The following ANKFN1 variants were observed in gnomAD, a reference collection of about 807,000 sequenced individuals.
ANKFN1 encodes ankyrin repeat and fibronectin type-III domain-containing protein 1.
ANKFN1 carries 74 observed loss-of-function variants against 108.7 expected under a neutral mutation model. The observed-to-expected ratio is 0.68, with a 90% confidence interval of 0.56 to 0.83. The LOEUF (loss-of-function observed/expected upper bound fraction) is 0.83. ANKFN1 is among the 40% of genes least tolerant of loss of function. The pLI, the probability that ANKFN1 is intolerant of heterozygous loss-of-function variation, is 0.00. For synonymous variants in ANKFN1, 547 were observed against 516.2 expected (o/e 1.06, Z -0.81); for missense variants, 1,505 against 1,382.3 (o/e 1.09, Z -1.41).
intron 1 of ANKFN1, among the ~76,000 whole-genome samples, chr17:56,179,297 A>T (rs1911458010): frequency 6.6e-6 from 1 of 152,194 alleles, no homozygotes; most frequent in Non-Finnish European, 1.5e-5. Context: ...GCTTTTAGTC[A>T]CACAAGGGCA....
At chr17:56,201,430 T>C (rs535080879) in intron 1 of ANKFN1, among the ~76,000 whole-genome samples, 127 of 152,348 alleles carry the variant, frequency 8.3e-4, no homozygotes, top group South Asian at 2.1e-3. Flanking sequence ...TCACTTGTTA[T>C]CATTGTATAT....
chr17:56,170,450 T>C (rs1567815810), intron 1 of ANKFN1, among the ~76,000 whole-genome samples: 1 of 152,034 alleles, frequency 6.6e-6, no homozygotes, highest in East Asian at 1.9e-4. Flanking sequence ...TTAATGCCAA[T>C]CTTCATTAAA....
At chr17:56,307,228 G>T (rs1342283564) in intron 3 of ANKFN1, among the ~76,000 whole-genome samples, 1 of 152,128 alleles carries the variant, frequency 6.6e-6, no homozygotes, top group Non-Finnish European at 1.5e-5. Context: ...TTGACAAATG[G>T]GATCTAATTA....
At position 56,461,342 on chromosome 17, in the gene ANKFN1, G is replaced by A. The variant is rs141049524; in HGVS notation, c.1557+3363G>A. On this transcript the variant is annotated intron_variant, in intron 14 of 20. Transcript: ENST00000682825. The stretch of plus-strand genomic sequence containing the variant: ...TAGATCTAGTCATGCCAATGACTTT[G>A]GTTTCACTAAGCAACATTTTATACA... Among the ~76,000 whole-genome samples, 787 of 152,164 alleles carry A rather than the reference G, an allele frequency of 5.2e-3. 8 individuals are homozygous for A. Among genetic ancestry groups the A allele is most frequent in the Middle Eastern group, 0.02 (6 of 294 alleles).
intron 8 of ANKFN1, among the ~76,000 whole-genome samples, chr17:56,396,916 T>C (rs2047605354): frequency 6.6e-6 from 1 of 152,152 alleles, no homozygotes; most frequent in Admixed American, 6.5e-5. Context: ...TAATAGTTTC[T>C]TCCCCCATCT....
rs772531053 is a variant in ANKFN1 at position 56,353,935 on chromosome 17, C to T, written c.490C>T (p.Leu164Phe). The change falls in exon 6 of 21, where the codon CTC (leucine) becomes TTC (phenylalanine). Residue 164 changes from leucine to phenylalanine, a missense_variant. Physicochemically the swap from Leu to Phe is conservative, Grantham distance 22. Transcript: ENST00000682825. ...TCAGTACACACCAGAAGAACTTGAC[C>T]TCAACACACCTAACAGCGAGGGCTT... is the stretch of plus-strand genomic sequence containing the variant. ...LYQYTPEELD[L>F]NTPNSEGLTP... 2.5e-6 allele frequency: 4 copies of T among 1,613,992 alleles called. No individual in the cohort carries two copies. The highest frequency in any genetic ancestry group is 1.1e-5 in the South Asian group (1 of 91,086).
chr17:56,076,886 T>C (rs1905188050), intron 4 of ANKFN1, among the ~76,000 whole-genome samples: 1 of 152,212 alleles, frequency 6.6e-6, no homozygotes, highest in African/African-American at 2.4e-5. Flanking sequence ...AACCTACCTT[T>C]CCAAAAATAA....
rs200582623 is a variant in ANKFN1, at chr17:56,457,839, A to G, written c.1441-24A>G. On this transcript the variant is annotated intron_variant, in intron 13 of 20. Coordinates refer to ENST00000682825, the MANE Select transcript of ANKFN1 (RefSeq NM_001370326.1). ...ATCATGTACTGGCTTGGACGATGACATGATTGCATGCCTTCTTTTGCAGCT... is the reference window on the plus strand; with the variant it reads ...ATCATGTACTGGCTTGGACGATGACGTGATTGCATGCCTTCTTTTGCAGCT... The G allele has an allele frequency of 1.0e-5, 16 of 1,568,478 alleles. No individual in the cohort carries two copies. In the African/African-American group the frequency reaches 2.2e-4, roughly 21 times the overall value.
intron 8 of ANKFN1, among the ~76,000 whole-genome samples, chr17:56,407,931 C>CTT (rs761975892): frequency 0.015 from 1,571 of 104,620 alleles, 48 homozygotes; most frequent in Middle Eastern, 0.042. Flanking sequence ...TCTTTTTTAT[C>CTT]TTTTTTTTTT....
chr17:56,122,674 A>G (rs1567794077), intron 4 of ANKFN1, among the ~76,000 whole-genome samples: 2 of 152,206 alleles, frequency 1.3e-5, no homozygotes, highest in African/African-American at 4.8e-5. Context: ...GGAGGTGCTA[A>G]TGAGGCCCTC....
chr17:56,182,271 C>G (rs1911757157), intron 1 of ANKFN1, among the ~76,000 whole-genome samples: 1 of 152,128 alleles, frequency 6.6e-6, no homozygotes, highest in East Asian at 1.9e-4. Context: ...GGTCGAAAGC[C>G]AAGAGAGGCC....
intron 3 of ANKFN1, among the ~76,000 whole-genome samples, chr17:56,241,329 G>A (rs1442041678): frequency 6.6e-6 from 1 of 152,082 alleles, no homozygotes; most frequent in African/African-American, 2.4e-5. Flanking sequence ...CATTTTGTAT[G>A]CTGTGAAGTA....
intron 4 of ANKFN1, among the ~76,000 whole-genome samples, chr17:56,142,697 G>A (rs975189344): frequency 6.6e-6 from 1 of 152,136 alleles, no homozygotes; most frequent in Non-Finnish European, 1.5e-5. Context: ...TTGAGAACCA[G>A]GGTGGTCCCA....
chr17:56,200,309 C>G (rs1427159180), intron 1 of ANKFN1, among the ~76,000 whole-genome samples: 1 of 152,208 alleles, frequency 6.6e-6, no homozygotes, highest in Non-Finnish European at 1.5e-5. Context: ...TTAGAAAGAA[C>G]CATGAGCACT....
chr17:56,307,219 T>G (rs1598385021), intron 3 of ANKFN1, among the ~76,000 whole-genome samples: 2 of 152,050 alleles, frequency 1.3e-5, no homozygotes, highest in East Asian at 3.9e-4. Flanking sequence ...AAGCCAAAAT[T>G]GACAAATGGG....
chr17:56,084,289 A>G (rs1178213048), intron 4 of ANKFN1, among the ~76,000 whole-genome samples: 2 of 151,412 alleles, frequency 1.3e-5, no homozygotes, highest in Admixed American at 1.3e-4. Flanking sequence ...CAGCAGTTGG[A>G]TGTTGTCACG....
At chr17:56,230,489 C>T (rs753635024) in intron 3 of ANKFN1, among the ~76,000 whole-genome samples, 29 of 152,174 alleles carry the variant, frequency 1.9e-4, no homozygotes, top group Non-Finnish European at 3.7e-4. Flanking sequence ...TTATTGGAGA[C>T]CCTCCCTGTT....
chr17:56,354,548 T>A (rs532031267), intron 6 of ANKFN1, among the ~76,000 whole-genome samples: 1 of 152,270 alleles, frequency 6.6e-6, no homozygotes, highest in East Asian at 1.9e-4. Flanking sequence ...ATACTTCCAA[T>A]AAGCAAGTAA....
chr17:56,384,345 A>C (rs1269348080), intron 8 of ANKFN1, among the ~76,000 whole-genome samples: 1 of 152,174 alleles, frequency 6.6e-6, no homozygotes, highest in Admixed American at 6.5e-5. Context: ...AATAAGAGCT[A>C]TCTATGACAA....
Sources: gnomAD v4.1 joint callset for allele counts (sites outside exome capture counted in the v4.1 genomes callset) on GRCh38, gnomAD v4.1.1 for gene constraint, MANE v1.5 for transcripts, NCBI Gene and HGNC (gene_info 2026-07-23, HGNC 2026-07-21) for gene names.